The following DBNDD1 variants were observed in gnomAD, a reference collection of about 807,000 sequenced individuals.
DBNDD1 encodes dysbindin domain-containing protein 1.
In DBNDD1, 14 loss-of-function variants were observed where a neutral mutation model predicts 17.0. The observed-to-expected ratio is 0.82, with a 90% CI of 0.54 to 1.29. The LOEUF (loss-of-function observed/expected upper bound fraction) is 1.29. DBNDD1 is among the 50% of genes most tolerant of loss of function. The pLI, the probability that DBNDD1 is intolerant of heterozygous loss-of-function variation, is 0.00. For synonymous variants in DBNDD1, 105 were observed against 102.0 expected (o/e 1.03, Z -0.18); for missense variants, 221 against 216.2 (o/e 1.02, Z -0.14).
chr16:90,011,395 G>A (rs569599552), intron 1 of DBNDD1, among the ~76,000 whole-genome samples: 12 of 152,330 alleles, frequency 7.9e-5, no homozygotes, highest in Non-Finnish European at 1.2e-4. Context: ...GCAGGTGCCC[G>A]GCCTCCTGAG....
intron 1 of DBNDD1, among the ~76,000 whole-genome samples, chr16:90,013,562 G>A (rs2035591839): frequency 6.6e-6 from 1 of 152,170 alleles, no homozygotes; most frequent in Non-Finnish European, 1.5e-5. Flanking sequence ...GCCCAGCAGA[G>A]GGAGCAGGAA....
rs979401771 is a variant in DBNDD1 at position 90,011,413 on chromosome 16, C to T, written c.32-1983G>A. On this transcript the variant is annotated intron_variant, in intron 1 of 3. Transcript: ENST00000002501. ...GGTGCCCGGCCTCCTGAGTGAGGGG[C>T]ACCGGTGCAGGGCTGGGAGGTCCCC... Among the ~76,000 whole-genome samples the T allele has an allele frequency of 1.3e-5, 2 of 152,224 alleles. 1 individual carries two copies. The highest frequency in any genetic ancestry group is 2.9e-5 in the Non-Finnish European group (2 of 68,020).
intron 1 of DBNDD1, among the ~76,000 whole-genome samples, chr16:90,011,359 CAGCAGAGCCAAGGG>C (rs2035552102): frequency 6.6e-6 from 1 of 152,362 alleles, no homozygotes; most frequent in African/African-American, 2.4e-5. Context: ...CACCCCTCCC[CAGCAGAGCCAAGGG>C]AGCTGAGGCC....
intron 1 of DBNDD1, chr16:90,011,830 C>G (rs1322442351): frequency 2.9e-6 from 1 of 340,336 alleles, no homozygotes; most frequent in South Asian, 2.2e-5. Flanking sequence ...TGTTCTAAGG[C>G]TGTGAGCAGG....
chr16:90,014,167 A>AC (rs1203103358), intron 1 of DBNDD1, among the ~76,000 whole-genome samples: 1 of 151,186 alleles, frequency 6.6e-6, no homozygotes, highest in Non-Finnish European at 1.5e-5. Flanking sequence ...TCGCTCTGTC[A>AC]CCAGGCTGGA....
At chr16:90,017,449 C>T (rs886391176) in intron 1 of DBNDD1, among the ~76,000 whole-genome samples, 14 of 151,576 alleles carry the variant, frequency 9.2e-5, no homozygotes, top group South Asian at 8.3e-4. Context: ...GAGCCGAGAT[C>T]GCGCCACTGC....
chr16:90,018,831 G>A (rs999444396), intron 1 of DBNDD1, among the ~76,000 whole-genome samples: 1 of 152,288 alleles, frequency 6.6e-6, no homozygotes, highest in South Asian at 2.1e-4. Flanking sequence ...ACCCATCTCA[G>A]CCCCTCGCCC....
intron 2 of DBNDD1, 139 bp from the exon 3 acceptor site, chr16:90,009,063 C>T (rs1227936302): frequency 2.4e-5 from 31 of 1,280,590 alleles, no homozygotes; most frequent in Non-Finnish European, 2.9e-5. Context: ...CCCACACCGG[C>T]AGGATCTGAT....
At chr16:90,012,905 T>C (rs2151263464) in intron 1 of DBNDD1, among the ~76,000 whole-genome samples, 1 of 151,926 alleles carries the variant, frequency 6.6e-6, no homozygotes, top group East Asian at 1.9e-4. Flanking sequence ...TCCTGGCTAA[T>C]TAAAATTTTT....
intron 1 of DBNDD1, among the ~76,000 whole-genome samples, chr16:90,010,537 T>A (rs2035536046): frequency 6.7e-6 from 1 of 149,716 alleles, no homozygotes; most frequent in Non-Finnish European, 1.5e-5. Flanking sequence ...CCAGCTAATT[T>A]TTTTTTTTTT....
chr16:90,017,311 C>A (rs62054582), intron 1 of DBNDD1, among the ~76,000 whole-genome samples: 20,697 of 152,064 alleles, frequency 0.14, 2,410 homozygotes, highest in East Asian at 0.62. Context: ...CTGGCTAACA[C>A]AGTGAAACCC....
intron 1 of DBNDD1, chr16:90,009,905 TGTC>T (rs1463457658): frequency 6.4e-7 from 1 of 1,560,782 alleles, no homozygotes; most frequent in South Asian, 1.1e-5. Context: ...TAAAAACTGA[TGTC>T]GTATTTGAGT....
At position 90,006,143 on chromosome 16, in the gene DBNDD1, G is replaced by A. The variant is rs978957857; in HGVS notation, c.*192C>T. ...CAGGAAAGCCGGCTGGTCTCCAAGT[G>A]AGGCGAAGACCCGTGCCCAGCAGAC... On this transcript the variant is annotated 3_prime_UTR_variant, in exon 4 of 4. Transcript: ENST00000002501. The A allele has an allele frequency of 4.9e-6, 4 of 814,314 alleles. No homozygotes were observed. In the African/African-American group the frequency reaches 6.9e-5, roughly 14 times the overall value. 50.4% of individuals were successfully genotyped at this position (814,314 alleles called of 1,614,324 possible). A position where few individuals can be genotyped will look rare whatever the true frequency, so the allele number is the denominator to read the frequency against.
rs767594206 is a variant in DBNDD1, at chr16:90,006,326, G to A, written c.*9C>T. 5.6e-6 allele frequency: 9 copies of A among 1,599,832 alleles called. No individual in the cohort carries two copies. The highest frequency in any genetic ancestry group is 2.2e-5 in the East Asian group (1 of 44,470). On this transcript the variant is annotated 3_prime_UTR_variant, in exon 4 of 4. Coordinates refer to ENST00000002501, the MANE Select transcript of DBNDD1 (RefSeq NM_001042610.3). ...CATCCCTGCAGGAGCTGGGGCAGGT[G>A]GAGATGGTCTAGTCCTCCTGGGGCC...
rs886557409 is a variant in DBNDD1, at chr16:90,006,180, C to T, written c.*155G>A. 35 of 1,100,446 alleles carry T rather than the reference C, an allele frequency of 3.2e-5. No homozygotes were observed. Among genetic ancestry groups the T allele is most frequent in the African/African-American group, 9.5e-5 (6 of 63,338 alleles). 68.2% of individuals were successfully genotyped at this position (1,100,446 alleles called of 1,614,324 possible). ...CGTGCCCAGCAGACAAGGCCGGTCTCGGGGCTGGCAGAGAGCTGCCCCCAG... is the reference window on the plus strand; with the variant it reads ...CGTGCCCAGCAGACAAGGCCGGTCTTGGGGCTGGCAGAGAGCTGCCCCCAG... On this transcript the variant is annotated 3_prime_UTR_variant, in exon 4 of 4. Transcript: ENST00000002501.
intron 1 of DBNDD1, among the ~76,000 whole-genome samples, chr16:90,013,916 G>GAT (rs2035596570): frequency 9.1e-6 from 1 of 109,740 alleles, no homozygotes; most frequent in African/African-American, 3.4e-5. Context: ...GGAGCCGTGT[G>GAT]ATACTGGGTG....
At position 90,006,409 on chromosome 16, in the gene DBNDD1, GC is replaced by G. The variant is rs1185950420; in HGVS notation, c.402del (p.Gln134HisfsTer3). On this transcript the variant is annotated frameshift_variant, in exon 4 of 4. Transcript: ENST00000002501. LOFTEE classifies it high-confidence loss of function. ...GCCTGCCGCTCGGGGTCGCCTAGGG[GC>G]TGCTTCTCGTGGCTCTGCTCAGCCC... Reference protein sequence around the residue: ...RTRAEQSHEKQPLGDPERQAT... With the variant: ...RTRAEQSHEKXPLGDPERQAT... 4 of 1,605,398 alleles carry G rather than the reference GC, an allele frequency of 2.5e-6. No individual in the cohort carries two copies. Among genetic ancestry groups the G allele is most frequent in the Non-Finnish European group, 2.5e-6 (3 of 1,179,820 alleles).
At chr16:90,010,305 G>T in intron 1 of DBNDD1, 1 of 326,662 alleles carries the variant, frequency 3.1e-6, no homozygotes, top group Non-Finnish European at 5.6e-6. Context: ...CTCCCAAAGT[G>T]CTAGGATTAC....
rs1043229276 is a variant in DBNDD1, at chr16:90,019,214, T to A, written c.31+97A>T. ...GAGCTGCCAAAGGGGTCTTCGCGAC[T>A]CCCGGGAGCGGCGAAGGGTGAGCCC... On this transcript the variant is annotated intron_variant, in intron 1 of 3. Coordinates refer to ENST00000002501, the MANE Select transcript of DBNDD1 (RefSeq NM_001042610.3). The surrounding 1 kb of genome is among the most constrained non-coding windows in gnomAD (Gnocchi z 6.1). 1.7e-6 allele frequency: 1 copy of A among 590,398 alleles called. No homozygotes were observed. The highest frequency in any genetic ancestry group is 2.4e-6 in the Non-Finnish European group (1 of 412,726). The allele number at this position is 590,398 out of a possible 1,614,324, so 36.6% of individuals were successfully genotyped here.
Sources: gnomAD v4.1 joint callset for allele counts (sites outside exome capture counted in the v4.1 genomes callset) on GRCh38, gnomAD v4.1.1 for gene constraint, Gnocchi (gnomAD v3.1) non-coding constraint, MANE v1.5 for transcripts, NCBI Gene and HGNC (gene_info 2026-07-23, HGNC 2026-07-21) for gene names.